The following MYO9A variants were observed in gnomAD, a reference collection of about 807,000 sequenced individuals.
MYO9A encodes the protein myosin IXA.
A neutral mutation model predicts 293.3 loss-of-function variants in MYO9A; 103 were observed. The ratio of observed to expected loss-of-function variants is 0.35; its 90% confidence interval spans 0.30 to 0.41. The LOEUF is 0.41. MYO9A is among the 10% of genes least tolerant of loss of function. The pLI, the probability that MYO9A is intolerant of heterozygous loss-of-function variation, is 1.00. For missense variants in MYO9A, 2,685 were observed against 3,033.0 expected, an observed-to-expected ratio of 0.89 and a Z score of 2.69; for synonymous variants, 1,001 against 1,035.7, an observed-to-expected ratio of 0.97 and a Z score of 0.64.
chr15:71,894,508 C>T (rs2057267544), intron 25 of MYO9A, among the ~76,000 whole-genome samples: 1 of 152,194 alleles, frequency 6.6e-6, no homozygotes, highest in South Asian at 2.1e-4. Flanking sequence ...ACCCAGGAGG[C>T]AGAGGTTGCA....
At chr15:71,865,131 C>A (rs2056280253) in intron 32 of MYO9A, among the ~76,000 whole-genome samples, 1 of 152,110 alleles carries the variant, frequency 6.6e-6, no homozygotes, top group African/African-American at 2.4e-5. Context: ...AAGTCATAGT[C>A]CTTAACTTTA....
At chr15:71,934,786 C>CTTTTTTTTTTTT (rs1167613386) in intron 17 of MYO9A, among the ~76,000 whole-genome samples, 19 of 61,790 alleles carry the variant, frequency 3.1e-4, no homozygotes, top group South Asian at 7.9e-4. Context: ...CTTTTCTTTT[C>CTTTTTTTTTTTT]TTTTTTTTTT....
chr15:72,070,552 A>G (rs1283094586), intron 1 of MYO9A, among the ~76,000 whole-genome samples: 1 of 152,136 alleles, frequency 6.6e-6, no homozygotes, highest in East Asian at 1.9e-4. Context: ...CTTGTTGACA[A>G]TATAGATATA....
chr15:71,850,141 C>A lies in MYO9A; in HGVS notation c.6608G>T (p.Arg2203Leu). 1.9e-5 allele frequency: 31 copies of A among 1,613,902 alleles called. No homozygotes were observed. The highest frequency in any genetic ancestry group is 2.6e-5 in the Non-Finnish European group (31 of 1,179,914). ...AATGGCCAAAGCATTAGCAGACATT[C>A]GATTAGTGTCTTCCTGCAGAGCAAT... ...VRIALQEDTN[R>L]MSANALAIVF... Residue 2203 changes from arginine to leucine, a missense_variant, in exon 38 of 42, where the codon CGA (arginine) becomes CTA (leucine). Arg to Leu is a moderately radical substitution (Grantham distance 102). Coordinates refer to ENST00000356056, the MANE Select transcript of MYO9A (RefSeq NM_006901.4).
intron 1 of MYO9A, among the ~76,000 whole-genome samples, chr15:72,085,807 T>C (rs2079702294): frequency 6.6e-6 from 1 of 152,346 alleles, no homozygotes; most frequent in African/African-American, 2.4e-5. Context: ...TTTTGTTTTT[T>C]TCCTTTCACC....
chr15:72,062,045 C>A (rs148829224), intron 1 of MYO9A, among the ~76,000 whole-genome samples: 1,858 of 152,284 alleles, frequency 0.012, 55 homozygotes, highest in Admixed American at 0.057. Flanking sequence ...ACAAGAGATT[C>A]TGCCTGGTAA....
At chr15:71,952,477 T>C (rs934663835) in intron 14 of MYO9A, among the ~76,000 whole-genome samples, 5 of 152,156 alleles carry the variant, frequency 3.3e-5, no homozygotes, top group Non-Finnish European at 7.4e-5. Flanking sequence ...TCATTATCAC[T>C]TCTTAGGAAA....
chr15:71,989,929 T>A (rs2929527), intron 11 of MYO9A, among the ~76,000 whole-genome samples: 30 of 151,676 alleles, frequency 2.0e-4, no homozygotes, highest in Admixed American at 7.9e-4. Context: ...CTTGAGTGGC[T>A]GAGGTGGGGG....
intron 37 of MYO9A, 145 bp downstream of exon 37, chr15:71,851,108 T>G: frequency 1.5e-6 from 1 of 646,190 alleles, no homozygotes; most frequent in Admixed American, 3.0e-5. Context: ...CTCCAAGGTA[T>G]CCTAACCACC....
chr15:71,890,330 T>C (rs1185050245), intron 26 of MYO9A: 3 of 152,148 alleles, frequency 2.0e-5, no homozygotes, highest in African/African-American at 7.2e-5. Flanking sequence ...AAGATTGAAA[T>C]TCTGGAGAGC....
chr15:72,050,944 G>A (rs2078542193), intron 1 of MYO9A, among the ~76,000 whole-genome samples: 1 of 152,156 alleles, frequency 6.6e-6, no homozygotes, highest in Non-Finnish European at 1.5e-5. Context: ...TCTTGAAAGT[G>A]TACTCACATA....
chr15:71,933,835 T>C (rs2058552055), intron 17 of MYO9A, 126 bp from the exon 18 acceptor site: 1 of 764,700 alleles, frequency 1.3e-6, no homozygotes, highest in Non-Finnish European at 2.2e-6. Flanking sequence ...ACCAAGACTG[T>C]AGGTTCTTTA....
intron 15 of MYO9A, 123 bp downstream of exon 15, chr15:71,951,654 G>T: frequency 9.3e-7 from 1 of 1,070,042 alleles, no homozygotes; most frequent in Non-Finnish European, 1.4e-6. Flanking sequence ...TTCAAAGACT[G>T]CTCAGAGGTT....
intron 15 of MYO9A, 30 bp downstream of exon 15, chr15:71,951,747 A>G (rs773729067): frequency 1.7e-5 from 28 of 1,613,110 alleles, no homozygotes; most frequent in East Asian, 2.2e-5. Flanking sequence ...TGGATATGTG[A>G]TAACAGTTTA....
intron 1 of MYO9A, among the ~76,000 whole-genome samples, chr15:72,075,856 C>G (rs1000033502): frequency 6.6e-6 from 1 of 152,146 alleles, no homozygotes; most frequent in Non-Finnish European, 1.5e-5. Context: ...AAGTCTAGAT[C>G]TGCAAGAAGG....
At chr15:72,024,302 T>C (rs1390677897) in intron 4 of MYO9A, among the ~76,000 whole-genome samples, 2 of 152,210 alleles carry the variant, frequency 1.3e-5, no homozygotes, top group Non-Finnish European at 2.9e-5. Context: ...GATTGATTGA[T>C]TGACAGGATC....
In MYO9A at chr15:72,045,941, A is replaced by T; in HGVS notation, c.623T>A (p.Leu208Gln). Reference sequence around the variant, plus strand: ...ATAAATGTGGGGCTCAAGTTTTCCCAGTTGGTGGTTATCATACATTTTGAC... The same window carrying T: ...ATAAATGTGGGGCTCAAGTTTTCCCTGTTGGTGGTTATCATACATTTTGAC... ...KYVKMYDNHQ[L>Q]GKLEPHIYAV... The change falls in exon 2 of 42, where the codon CTG (leucine) becomes CAG (glutamine). Residue 208 changes from leucine to glutamine, a missense_variant. Physicochemically the swap from Leu to Gln is moderately radical, Grantham distance 113. Coordinates refer to ENST00000356056, the MANE Select transcript of MYO9A (RefSeq NM_006901.4). 1 of 1,614,160 alleles carries T rather than the reference A, an allele frequency of 6.2e-7. No homozygotes were observed. Among genetic ancestry groups the T allele is most frequent in the Non-Finnish European group, 8.5e-7 (1 of 1,180,026 alleles).
At chr15:72,062,034 A>G (rs946334755) in intron 1 of MYO9A, among the ~76,000 whole-genome samples, 2 of 152,200 alleles carry the variant, frequency 1.3e-5, no homozygotes, top group Admixed American at 1.3e-4. Flanking sequence ...AAGGGAAGAG[A>G]ACAAGAGATT....
intron 32 of MYO9A, among the ~76,000 whole-genome samples, chr15:71,871,755 TAAG>T (rs1025290117): frequency 1.9e-4 from 29 of 150,782 alleles, no homozygotes; most frequent in African/African-American, 6.3e-4. Context: ...ATAATTTATC[TAAG>T]AAGGACAAAA....
Sources: allele counts gnomAD v4.1 joint callset (sites outside exome capture counted in the v4.1 genomes callset), GRCh38; gene constraint gnomAD v4.1.1; transcripts MANE v1.5; gene names NCBI Gene and HGNC (gene_info 2026-07-23, HGNC 2026-07-21).